The following MEGF9 variants were observed in gnomAD, a reference collection of about 807,000 sequenced individuals.
MEGF9 encodes multiple epidermal growth factor-like domains protein 9.
A neutral mutation model predicts 46.8 loss-of-function variants in MEGF9; 6 were observed. That is an observed-to-expected ratio of 0.13 (90% CI 0.07 to 0.25). The LOEUF is 0.25. Among genes scored for constraint, MEGF9 ranks in the 10% least tolerant of loss-of-function variants. MEGF9 has a pLI of 1.00. For missense variants in MEGF9, 683 were observed against 792.4 expected (o/e 0.86, Z 1.66); for synonymous variants, 302 against 330.7 (o/e 0.91, Z 0.94).
chr9:120,682,630 C>A (rs563602239), intron 1 of MEGF9, among the ~76,000 whole-genome samples: 180 of 152,318 alleles, frequency 1.2e-3, no homozygotes, highest in African/African-American at 4.3e-3. Flanking sequence ...CTCTGCCACC[C>A]AAGCTGGAGT....
Position 120,678,945 on chromosome 9 carries a change from C to G in MEGF9, c.602-19370G>C, listed in dbSNP as rs566156248. ...ATGAGATACCATCTCACACCAGTTACAATGGCGATCATTAAAAAGTCAGGA... is the reference window on the plus strand; with the variant it reads ...ATGAGATACCATCTCACACCAGTTAGAATGGCGATCATTAAAAAGTCAGGA... On this transcript the variant is annotated intron_variant, in intron 1 of 5. Transcript: ENST00000373930. Among the ~76,000 whole-genome samples, 1,123 of 152,228 alleles carry G rather than the reference C, an allele frequency of 7.4e-3. 42 individuals are homozygous for G. The highest frequency in any genetic ancestry group is 0.063 in the Admixed American group (969 of 15,276).
At chr9:120,648,649 T>C (rs979142894) in intron 2 of MEGF9, among the ~76,000 whole-genome samples, 1 of 152,198 alleles carries the variant, frequency 6.6e-6, no homozygotes, top group Non-Finnish European at 1.5e-5. Flanking sequence ...TTTTTAAAAA[T>C]AAAACATGAA....
intron 1 of MEGF9, among the ~76,000 whole-genome samples, chr9:120,672,734 G>A (rs1169420685): frequency 6.6e-6 from 1 of 152,108 alleles, no homozygotes; most frequent in East Asian, 1.9e-4. Context: ...CATTAATAAG[G>A]TTGCAAGGGC....
chr9:120,684,710 A>G (rs968378494), intron 1 of MEGF9, among the ~76,000 whole-genome samples: 3 of 152,344 alleles, frequency 2.0e-5, no homozygotes, highest in Admixed American at 1.3e-4. Flanking sequence ...GCTCTTGCAC[A>G]CGCCATTAGT....
chr9:120,645,035 CTG>C (rs1344042184), intron 2 of MEGF9, among the ~76,000 whole-genome samples: 1 of 152,158 alleles, frequency 6.6e-6, no homozygotes, highest in Non-Finnish European at 1.5e-5. Flanking sequence ...ATCCTCCTGA[CTG>C]TGAAAAATCA....
chr9:120,629,697 GC>G (rs1383163743), intron 2 of MEGF9, among the ~76,000 whole-genome samples: 2 of 152,026 alleles, frequency 1.3e-5, no homozygotes, highest in African/African-American at 4.8e-5. Context: ...ACTTTGGGAG[GC>G]CAAGGAGGAT....
intron 1 of MEGF9, among the ~76,000 whole-genome samples, chr9:120,704,312 C>T (rs939990552): frequency 4.7e-5 from 7 of 150,262 alleles, no homozygotes; most frequent in East Asian, 2.0e-4. Context: ...CCAGCCTGGG[C>T]GACAGAGCGA....
rs750245724 is a variant in MEGF9, at chr9:120,605,489, C to T, written c.1510G>A (p.Ala504Thr). Residue 504 changes from alanine to threonine, a missense_variant, in exon 6 of 6, where the codon GCT (alanine) becomes ACT (threonine). Coordinates refer to ENST00000373930, the MANE Select transcript of MEGF9 (RefSeq NM_001080497.3). This position sits in a 1 kb window ranked among gnomAD's most constrained non-coding sequence, Gnocchi z 4.0. Reference protein sequence around the residue: ...SVSTSENSTSALADVSWTQFN... With the variant: ...SVSTSENSTSTLADVSWTQFN... ...TGGGTCCATGATACATCAGCTAAAG[C>T]TGAAGTGCTGTTTTCAGAAGTGCTT... The T allele has an allele frequency of 1.9e-6, 3 of 1,613,952 alleles. No individual in the cohort carries two copies. In the East Asian group the frequency reaches 6.7e-5, roughly 36 times the overall value.
At chr9:120,670,761 A>G (rs1470307) in intron 1 of MEGF9, among the ~76,000 whole-genome samples, 89,276 of 151,862 alleles carry the variant, frequency 0.59, 28,969 homozygotes, top group South Asian at 0.75. Flanking sequence ...GCTCTTTATC[A>G]CATCCTCTCC....
intron 1 of MEGF9, among the ~76,000 whole-genome samples, chr9:120,662,012 T>G (rs369574050): frequency 6.6e-6 from 1 of 152,300 alleles, no homozygotes; most frequent in Non-Finnish European, 1.5e-5. Context: ...TAAAAAAAAT[T>G]TTCTACAATA....
rs2043748340 is a variant in MEGF9 at position 120,671,370 on chromosome 9, AGAGT to A, written c.602-11799_602-11796del. Among the ~76,000 whole-genome samples the A allele has an allele frequency of 2.0e-5, 3 of 152,258 alleles. No homozygotes were observed. The South Asian group carries it at 6.2e-4, about 31-fold the overall frequency. ...CTGTAGCCAATCTACCAATACAGCC[AGAGT>A]AAGCCCAAGAGAGACCAGGAGAAGA... On this transcript the variant is annotated intron_variant, in intron 1 of 5. Transcript: ENST00000373930.
chr9:120,705,402 T>C (rs16910080), intron 1 of MEGF9, among the ~76,000 whole-genome samples: 2,756 of 151,752 alleles, frequency 0.018, 76 homozygotes, highest in African/African-American at 0.06. Context: ...AAGTGGTAAA[T>C]TGTTAAACAG....
rs2043423742 is a variant in MEGF9 at position 120,607,299 on chromosome 9, A to AT, written c.1357+441dup. ...AATATTATTATTTCCTCCATTGTACATGGGGAAACTTAGGCCCAAAGTTAG... is the reference window on the plus strand; with the variant it reads ...AATATTATTATTTCCTCCATTGTACATTGGGGAAACTTAGGCCCAAAGTTAG... On this transcript the variant is annotated intron_variant, in intron 5 of 5. Transcript: ENST00000373930. 2.0e-5 allele frequency among the ~76,000 whole-genome samples: 3 copies of AT among 152,198 alleles called. No individual in the cohort carries two copies. In the South Asian group the frequency reaches 6.2e-4, roughly 31 times the overall value.
chr9:120,701,104 G>GT (rs1444712511), intron 1 of MEGF9, among the ~76,000 whole-genome samples: 2 of 150,462 alleles, frequency 1.3e-5, no homozygotes, highest in East Asian at 3.9e-4. Context: ...GGGTGACAGA[G>GT]TGTGACCCTG....
rs140356875 is a variant in MEGF9, at chr9:120,640,448, T to G, written c.804-17693A>C. 2.0e-5 allele frequency among the ~76,000 whole-genome samples: 3 copies of G among 152,186 alleles called. No individual in the cohort carries two copies. The East Asian group carries it at 5.8e-4, about 29-fold the overall frequency. On this transcript the variant is annotated intron_variant, in intron 2 of 5. Transcript: ENST00000373930. The stretch of plus-strand genomic sequence containing the variant: ...ATAAATTTTATTTTCTTGTTTATTA[T>G]CTCTCTTCCCATCTAGAATGTCAGT...
intron 2 of MEGF9, among the ~76,000 whole-genome samples, chr9:120,656,463 C>T (rs1345107634): frequency 1.4e-5 from 2 of 143,622 alleles, no homozygotes; most frequent in Non-Finnish European, 3.0e-5. Flanking sequence ...AGGAGAATGG[C>T]GTGAACCCAG....
intron 2 of MEGF9, among the ~76,000 whole-genome samples, chr9:120,636,129 G>A (rs1039753267): frequency 5.3e-5 from 8 of 152,086 alleles, no homozygotes; most frequent in Non-Finnish European, 1.2e-4. Context: ...GTAGAGATGG[G>A]ATTTCGTCAT....
At chr9:120,627,068 GAAT>G (rs2043528537) in intron 2 of MEGF9, among the ~76,000 whole-genome samples, 1 of 152,106 alleles carries the variant, frequency 6.6e-6, no homozygotes, top group South Asian at 2.1e-4. Flanking sequence ...TAAAATTTTA[GAAT>G]TCTGTTAATA....
Position 120,659,357 on chromosome 9 carries a change from C to T in MEGF9, c.803+17G>A, listed in dbSNP as rs78682753. ...GCTAAAATAAAATAAACTTCAGTTC[C>T]ACCCTCTGTTGCTTACCTGTTGCAC... On this transcript the variant is annotated intron_variant, in intron 2 of 5. Transcript: ENST00000373930. 1,254 of 1,606,278 alleles carry T rather than the reference C, an allele frequency of 7.8e-4. 8 individuals are homozygous for T. The African/African-American group carries it at 0.015, about 19-fold the overall frequency.
Sources: gnomAD v4.1 joint callset for allele counts (sites outside exome capture counted in the v4.1 genomes callset) on GRCh38, gnomAD v4.1.1 for gene constraint, Gnocchi (gnomAD v3.1) non-coding constraint, MANE v1.5 for transcripts, NCBI Gene and HGNC (gene_info 2026-07-23, HGNC 2026-07-21) for gene names.